Variants in ITSN1 observed in about 807,000 individuals in gnomAD.
ITSN1 encodes the protein intersectin 1.
Under a neutral mutation model 239.8 loss-of-function variants are expected in ITSN1, and 58 were observed. The observed-to-expected ratio is 0.24, with a 90% CI of 0.20 to 0.30. The LOEUF (loss-of-function observed/expected upper bound fraction) is 0.30. Among genes scored for constraint, ITSN1 ranks in the 10% least tolerant of loss-of-function variants. The pLI, the probability that ITSN1 is intolerant of heterozygous loss-of-function variation, is 1.00. For synonymous variants in ITSN1, 780 were observed against 770.8 expected (o/e 1.01, Z -0.20); for missense variants, 1,558 against 2,103.3 (o/e 0.74, Z 5.07).
intron 11 of ITSN1, among the ~76,000 whole-genome samples, chr21:33,769,919 C>T (rs1467499800): frequency 1.3e-5 from 2 of 151,740 alleles, no homozygotes; most frequent in Non-Finnish European, 2.9e-5. Flanking sequence ...TGGTCTTGAA[C>T]TTTTGACTTT....
intron 1 of ITSN1, among the ~76,000 whole-genome samples, chr21:33,673,662 A>T (rs1336267150): frequency 6.6e-6 from 1 of 151,218 alleles, no homozygotes; most frequent in South Asian, 2.1e-4. Context: ...CAGTGGGGGT[A>T]ATCCCAGCTG....
At chr21:33,733,336 CCATGTAG>C (rs1433546332) in intron 4 of ITSN1, among the ~76,000 whole-genome samples, 1 of 151,988 alleles carries the variant, frequency 6.6e-6, no homozygotes, top group East Asian at 1.9e-4. Context: ...AGCTAGGAAT[CCATGTAG>C]AAGAAATGTG....
intron 1 of ITSN1, among the ~76,000 whole-genome samples, chr21:33,664,963 A>G (rs1019239126): frequency 6.7e-6 from 1 of 149,018 alleles, no homozygotes; most frequent in Admixed American, 6.8e-5. Flanking sequence ...CTACTTATAA[A>G]AAATAATTAG....
intron 16 of ITSN1, among the ~76,000 whole-genome samples, chr21:33,790,758 G>A (rs770466303): frequency 2.0e-5 from 3 of 152,184 alleles, no homozygotes; most frequent in Non-Finnish European, 4.4e-5. Flanking sequence ...ACCAGGAAAT[G>A]TTGATACTTT....
Position 33,889,730 on chromosome 21 carries a change from T to A in ITSN1, c.*1430T>A, listed in dbSNP as rs1419099955. The A allele has an allele frequency of 6.6e-6, 1 of 152,192 alleles. No individual in the cohort carries two copies. The highest frequency in any genetic ancestry group is 2.4e-5 in the African/African-American group (1 of 41,442). The allele number at this position is 152,192 out of a possible 1,614,324, so 9.4% of individuals were successfully genotyped here. A position where few individuals can be genotyped will look rare whatever the true frequency, so the allele number is the denominator to read the frequency against. ...AGATGGTGTTCTCTTTGATTGTAGG[T>A]CCTTAGACTTTAATTAGGGTTATCA... On this transcript the variant is annotated 3_prime_UTR_variant, in exon 40 of 40. Coordinates refer to ENST00000381318, the MANE Select transcript of ITSN1 (RefSeq NM_003024.3).
At chr21:33,701,020 C>T (rs2091987153) in intron 1 of ITSN1, among the ~76,000 whole-genome samples, 1 of 150,826 alleles carries the variant, frequency 6.6e-6, no homozygotes. Context: ...CACTCTGTTT[C>T]CCAGGCTGAA....
chr21:33,868,639 C>T (rs948737526), intron 33 of ITSN1, among the ~76,000 whole-genome samples: 3 of 152,234 alleles, frequency 2.0e-5, no homozygotes, highest in Non-Finnish European at 2.9e-5. Flanking sequence ...CCACGCCCAC[C>T]CGGAACTCCA....
chr21:33,802,111 A>G (rs1004727202), intron 19 of ITSN1, among the ~76,000 whole-genome samples: 2 of 152,170 alleles, frequency 1.3e-5, no homozygotes, highest in South Asian at 4.1e-4. Context: ...CCAGCCTAAT[A>G]TTTTTGAAAC....
chr21:33,800,103 T>C (rs1198757944), intron 19 of ITSN1, among the ~76,000 whole-genome samples, 174 bp downstream of exon 19: 9 of 152,154 alleles, frequency 5.9e-5, no homozygotes, highest in Non-Finnish European at 1.2e-4. Flanking sequence ...AAATGAAAGA[T>C]GGCATTTAAA....
chr21:33,811,898 G>A (rs2072943722), intron 21 of ITSN1, among the ~76,000 whole-genome samples: 1 of 152,190 alleles, frequency 6.6e-6, no homozygotes, highest in Admixed American at 6.5e-5. Flanking sequence ...AAGTATGAGT[G>A]ATTTGAATAA....
chr21:33,766,772 T>C (rs1824756086), intron 10 of ITSN1, among the ~76,000 whole-genome samples: 1 of 152,190 alleles, frequency 6.6e-6, no homozygotes, highest in Admixed American at 6.5e-5. Flanking sequence ...AACAGATAGC[T>C]GAGGCACTTT....
intron 29 of ITSN1, among the ~76,000 whole-genome samples, chr21:33,849,685 G>A (rs1292496011): frequency 6.6e-6 from 1 of 152,010 alleles, no homozygotes. Flanking sequence ...GTAACACAAA[G>A]GATAAATGCT....
At chr21:33,690,799 A>G (rs1350659382) in intron 1 of ITSN1, among the ~76,000 whole-genome samples, 10 of 24,146 alleles carry the variant, frequency 4.1e-4, no homozygotes, top group Non-Finnish European at 8.0e-5. Flanking sequence ...ACATATATAT[A>G]TATATATATA....
chr21:33,741,266 A>C (rs2066830965), intron 5 of ITSN1, among the ~76,000 whole-genome samples: 1 of 152,236 alleles, frequency 6.6e-6, no homozygotes, highest in South Asian at 2.1e-4. Flanking sequence ...TTACTTAAGC[A>C]AAAACCAGGA....
intron 20 of ITSN1, 34 bp from the exon 21 acceptor site, chr21:33,810,941 T>A: frequency 6.2e-7 from 1 of 1,614,096 alleles, no homozygotes; most frequent in Non-Finnish European, 8.5e-7. Flanking sequence ...AGGGGTTAAT[T>A]TAGTTCTACT....
In ITSN1 at chr21:33,882,590, T is replaced by A; in HGVS notation, c.4554+135T>A. On this transcript the variant is annotated intron_variant, in intron 35 of 39. Transcript: ENST00000381318. This position sits in a 1 kb window ranked among gnomAD's most constrained non-coding sequence, Gnocchi z 4.5. ...AGAAGGCCAGGAGTTGAAATGCGAT[T>A]TAGGGTGTCCGGAGTGGAGGACGAT... 1.4e-6 allele frequency: 1 copy of A among 703,350 alleles called. No individual in the cohort carries two copies. Among genetic ancestry groups the A allele is most frequent in the Admixed American group, 2.6e-5 (1 of 37,848 alleles). 43.6% of individuals were successfully genotyped at this position (703,350 alleles called of 1,614,324 possible).
intron 33 of ITSN1, among the ~76,000 whole-genome samples, chr21:33,868,926 G>C (rs543340304): frequency 2.7e-4 from 41 of 152,174 alleles, no homozygotes; most frequent in African/African-American, 9.6e-4. Flanking sequence ...CTTCTACCTT[G>C]TAAGTCAGAA....
At position 33,693,327 on chromosome 21, in the gene ITSN1, TTTTTG is replaced by T. The variant is rs376620937; in HGVS notation, c.-32-25445_-32-25441del. On this transcript the variant is annotated intron_variant, in intron 1 of 39. Transcript: ENST00000381318. ...GCTTTGCTCATACCCTTCTTGCTGT[TTTTTG>T]TTTTGTTTTGTTTTGTTTTGTTTTT... Among the ~76,000 whole-genome samples, 418 of 151,676 alleles carry T rather than the reference TTTTTG, an allele frequency of 2.8e-3. 2 individuals carry two copies. Among genetic ancestry groups the T allele is most frequent in the African/African-American group, 8.1e-3 (335 of 41,370 alleles).
chr21:33,802,529 G>T (rs1172828509), intron 20 of ITSN1, 85 bp downstream of exon 20: 6 of 1,311,478 alleles, frequency 4.6e-6, no homozygotes, highest in African/African-American at 2.9e-5. Context: ...GTAAGTACAC[G>T]TATCTCTGGG....
Sources: gnomAD v4.1 joint callset for allele counts (sites outside exome capture counted in the v4.1 genomes callset) on GRCh38, gnomAD v4.1.1 for gene constraint, Gnocchi (gnomAD v3.1) non-coding constraint, MANE v1.5 for transcripts, NCBI Gene and HGNC (gene_info 2026-07-23, HGNC 2026-07-21) for gene names.